The following OPCML variants were observed in gnomAD, a reference collection of about 807,000 sequenced individuals.
OPCML encodes opioid binding protein/cell adhesion molecule like.
A neutral mutation model predicts 37.8 loss-of-function variants in OPCML; 13 were observed. The observed-to-expected ratio is 0.34, with a 90% CI of 0.22 to 0.55. OPCML has a LOEUF of 0.55. Among genes scored for constraint, OPCML ranks in the 20% least tolerant of loss-of-function variants. The pLI is 0.91. For synonymous variants in OPCML, 176 were observed against 168.8 expected (o/e 1.04, Z -0.33); for missense variants, 341 against 435.6 (o/e 0.78, Z 1.93).
At chr11:132,904,704 C>T (rs776721844) in intron 2 of OPCML, among the ~76,000 whole-genome samples, 11 of 152,140 alleles carry the variant, frequency 7.2e-5, no homozygotes, top group Non-Finnish European at 1.2e-4. Context: ...TGCAGATGGC[C>T]GTGCACTTAA....
intron 1 of OPCML, chr11:133,006,390 A>G: frequency 1.0e-6 from 1 of 963,580 alleles, no homozygotes; most frequent in African/African-American, 1.8e-5. Context: ...GCCATGGGAC[A>G]AAGAACCCCA....
At chr11:132,421,000 T>G (rs899344927) in intron 7 of OPCML, among the ~76,000 whole-genome samples, 1 of 151,996 alleles carries the variant, frequency 6.6e-6, no homozygotes, top group Non-Finnish European at 1.5e-5. Context: ...TCTCTCTCTC[T>G]CTCTGGCCCC....
intron 1 of OPCML, among the ~76,000 whole-genome samples, chr11:132,959,311 C>G (rs1946036888): frequency 6.6e-6 from 1 of 152,206 alleles, no homozygotes; most frequent in Non-Finnish European, 1.5e-5. Flanking sequence ...GGATGAGGAG[C>G]TGCTTCTCTT....
intron 4 of OPCML, among the ~76,000 whole-genome samples, chr11:132,477,527 T>A (rs1169586883): frequency 6.6e-6 from 1 of 152,190 alleles, no homozygotes. Flanking sequence ...GCAACTGTCA[T>A]TCTGGAAAGC....
At chr11:132,633,035 C>G (rs1049502257) in intron 3 of OPCML, among the ~76,000 whole-genome samples, 1 of 151,246 alleles carries the variant, frequency 6.6e-6, no homozygotes, top group Non-Finnish European at 1.5e-5. Flanking sequence ...ACCAGAATTA[C>G]AAGTGGACTG....
rs183284905 is a variant in OPCML at position 132,567,271 on chromosome 11, G to A, written c.380-38085C>T. Among the ~76,000 whole-genome samples, 12 of 152,280 alleles carry A rather than the reference G, an allele frequency of 7.9e-5. No homozygotes were observed. In the East Asian group the frequency reaches 1.4e-3, roughly 17 times the overall value. Reference sequence around the variant, plus strand: ...ATGCCAACAGCAACTGAGTTGCCACGCTCATCATTGCAATCAGCTGATTTC... The same window carrying A: ...ATGCCAACAGCAACTGAGTTGCCACACTCATCATTGCAATCAGCTGATTTC... On this transcript the variant is annotated intron_variant, in intron 3 of 7. Coordinates refer to ENST00000524381, the MANE Select transcript of OPCML (RefSeq NM_001012393.5).
At chr11:132,938,816 G>C (rs918581434) in intron 2 of OPCML, among the ~76,000 whole-genome samples, 1 of 152,146 alleles carries the variant, frequency 6.6e-6, no homozygotes, top group African/African-American at 2.4e-5. Flanking sequence ...TTGCTCAGAG[G>C]CTCTAGGGCC....
At chr11:132,583,721 C>A (rs1034200394) in intron 3 of OPCML, among the ~76,000 whole-genome samples, 15 of 152,118 alleles carry the variant, frequency 9.9e-5, no homozygotes, top group African/African-American at 3.6e-4. Context: ...TCAAGAGATT[C>A]TCTTGCCCCA....
chr11:132,514,903 G>A (rs985323012), intron 4 of OPCML, among the ~76,000 whole-genome samples: 3 of 152,122 alleles, frequency 2.0e-5, no homozygotes, highest in Admixed American at 6.6e-5. Flanking sequence ...CACTGGCAAC[G>A]TCCTGAGTGC....
chr11:132,872,387 C>T (rs1055944298), intron 2 of OPCML, among the ~76,000 whole-genome samples: 5 of 152,128 alleles, frequency 3.3e-5, no homozygotes, highest in Admixed American at 2.0e-4. Context: ...AAACGAATCG[C>T]GGATCGAAAA....
At chr11:132,447,449 C>T (rs777441686) in intron 4 of OPCML, among the ~76,000 whole-genome samples, 2 of 151,250 alleles carry the variant, frequency 1.3e-5, no homozygotes, top group Non-Finnish European at 2.9e-5. Context: ...CAGGTGCATG[C>T]ACCATGCCCA....
chr11:132,483,937 A>C (rs1441069608), intron 4 of OPCML, among the ~76,000 whole-genome samples: 2 of 151,900 alleles, frequency 1.3e-5, no homozygotes, highest in Non-Finnish European at 2.9e-5. Flanking sequence ...TAAAGACTTA[A>C]ATGTTAGACC....
chr11:133,531,465 T>C (rs945799113), intron 1 of OPCML, among the ~76,000 whole-genome samples: 5 of 152,124 alleles, frequency 3.3e-5, no homozygotes, highest in Admixed American at 2.6e-4. Flanking sequence ...AGCAGGGACA[T>C]CCCAAATTCT....
intron 1 of OPCML, chr11:133,009,313 A>T (rs1231767793): frequency 2.8e-6 from 2 of 720,634 alleles, no homozygotes; most frequent in African/African-American, 1.9e-5. Flanking sequence ...AGGTAACAAA[A>T]CAACAGAATC....
At chr11:133,321,906 A>G (rs528070481) in intron 1 of OPCML, among the ~76,000 whole-genome samples, 3 of 152,192 alleles carry the variant, frequency 2.0e-5, no homozygotes, top group Non-Finnish European at 2.9e-5. Flanking sequence ...GCAAACCTCA[A>G]GCAGGATGGC....
intron 1 of OPCML, among the ~76,000 whole-genome samples, chr11:133,294,816 T>TTTTTTTTTTTTTTTTTTTTTTTTTTTTC (rs1942585973): frequency 1.3e-5 from 1 of 76,658 alleles, no homozygotes; most frequent in Non-Finnish European, 2.3e-5. Context: ...TCTTTCTTTC[T>TTTTTTTTTTTTTTTTTTTTTTTTTTTTC]TTTTTTTTTT....
At chr11:132,519,719 A>C (rs76383560) in intron 4 of OPCML, among the ~76,000 whole-genome samples, 1 of 152,262 alleles carries the variant, frequency 6.6e-6, no homozygotes, top group East Asian at 1.9e-4. Context: ...GTTTGCCCAT[A>C]ACTGTTCCAC....
intron 1 of OPCML, among the ~76,000 whole-genome samples, chr11:132,976,789 C>T (rs1946473805): frequency 6.6e-6 from 1 of 152,042 alleles, no homozygotes; most frequent in South Asian, 2.1e-4. Context: ...TATTAAATTA[C>T]CTTTTAAAAT....
At chr11:132,576,849 T>C (rs1262106118) in intron 3 of OPCML, among the ~76,000 whole-genome samples, 1 of 152,176 alleles carries the variant, frequency 6.6e-6, no homozygotes, top group Non-Finnish European at 1.5e-5. Context: ...CTGCTTGCTC[T>C]GTGGGTTGAG....
Sources: gnomAD v4.1 joint callset for allele counts (sites outside exome capture counted in the v4.1 genomes callset) on GRCh38, gnomAD v4.1.1 for gene constraint, MANE v1.5 for transcripts, NCBI Gene and HGNC (gene_info 2026-07-23, HGNC 2026-07-21) for gene names.